The following SLC30A7 variants were observed in gnomAD, a reference collection of about 807,000 sequenced individuals.
SLC30A7 encodes solute carrier family 30 member 7.
In SLC30A7, 35 loss-of-function variants were observed where a neutral mutation model predicts 46.0. The ratio of observed to expected loss-of-function variants is 0.76; its 90% CI spans 0.58 to 1.01. SLC30A7 has a LOEUF of 1.01. SLC30A7 is among the 50% of genes least tolerant of loss of function. The pLI is 0.00. For synonymous variants in SLC30A7, 147 were observed against 157.8 expected (o/e 0.93, Z 0.51); for missense variants, 464 against 451.1 (o/e 1.03, Z -0.26).
At chr1:100,966,545 C>A (rs1224404280) in intron 10 of SLC30A7, among the ~76,000 whole-genome samples, 2 of 147,032 alleles carry the variant, frequency 1.4e-5, no homozygotes. Context: ...AGATCACGGC[C>A]ACTGCACTCC....
chr1:100,983,053 A>G (rs1657040617), downstream of SLC30A7, among the ~76,000 whole-genome samples: 1 of 152,162 alleles, frequency 6.6e-6, no homozygotes, highest in Non-Finnish European at 1.5e-5. Flanking sequence ...TTGCTTTCCC[A>G]GTTTCCACTT....
chr1:100,943,728 T>A (rs1424455755), intron 8 of SLC30A7, among the ~76,000 whole-genome samples: 1 of 152,192 alleles, frequency 6.6e-6, no homozygotes, highest in Non-Finnish European at 1.5e-5. Flanking sequence ...TTTTGTAATA[T>A]TACATCATCA....
intron 8 of SLC30A7, among the ~76,000 whole-genome samples, chr1:100,927,467 C>T (rs777822601): frequency 2.0e-5 from 3 of 151,852 alleles, no homozygotes; most frequent in African/African-American, 4.8e-5. Flanking sequence ...AGAGTAGCTT[C>T]GAGAGAGAAT....
At chr1:100,915,407 T>G (rs79188219) in intron 6 of SLC30A7, among the ~76,000 whole-genome samples, 4,288 of 152,172 alleles carry the variant, frequency 0.028, 184 homozygotes, top group African/African-American at 0.095. Flanking sequence ...ACTGAAACTT[T>G]GTACCCTTTG....
intron 8 of SLC30A7, among the ~76,000 whole-genome samples, chr1:100,958,017 C>G (rs1401958586): frequency 6.6e-6 from 1 of 152,112 alleles, no homozygotes; most frequent in Non-Finnish European, 1.5e-5. Flanking sequence ...AGATCCCACT[C>G]TTTAGTTTAG....
At chr1:100,964,514 A>G (rs1292594529) in intron 9 of SLC30A7, among the ~76,000 whole-genome samples, 1 of 151,900 alleles carries the variant, frequency 6.6e-6, no homozygotes, top group Non-Finnish European at 1.5e-5. Context: ...TCCAAATGCT[A>G]GCGGCTGAAT....
In SLC30A7 at chr1:100,936,357, T is replaced by C. The variant is rs1653966677; in HGVS notation, c.842+14516T>C. Among the ~76,000 whole-genome samples, 3 of 152,326 alleles carry C rather than the reference T, an allele frequency of 2.0e-5. No homozygotes were observed. The South Asian group carries it at 6.2e-4, about 32-fold the overall frequency. ...ACATCTTTCAGAAAGTATATGGGTATCCCCAAGGGTATTTTTTTGTGATTA... is the reference window on the plus strand; with the variant it reads ...ACATCTTTCAGAAAGTATATGGGTACCCCCAAGGGTATTTTTTTGTGATTA... On this transcript the variant is annotated intron_variant, in intron 8 of 10. Transcript: ENST00000357650.
intron 2 of SLC30A7, among the ~76,000 whole-genome samples, chr1:100,901,998 A>C (rs937898993): frequency 6.6e-6 from 1 of 152,214 alleles, no homozygotes; most frequent in Non-Finnish European, 1.5e-5. Flanking sequence ...ATTCATAATC[A>C]GAAACATTTG....
At chr1:100,928,338 A>T (rs1653444193) in intron 8 of SLC30A7, among the ~76,000 whole-genome samples, 2 of 152,188 alleles carry the variant, frequency 1.3e-5, no homozygotes, top group African/African-American at 4.8e-5. Flanking sequence ...GCGCTTCTTA[A>T]TAGTGCTCTA....
At chr1:100,924,715 A>C (rs190871976) in intron 8 of SLC30A7, among the ~76,000 whole-genome samples, 1 of 151,954 alleles carries the variant, frequency 6.6e-6, no homozygotes, top group Non-Finnish European at 1.5e-5. Context: ...ATTTGAATCA[A>C]AATAAATTTG....
intron 9 of SLC30A7, among the ~76,000 whole-genome samples, chr1:100,963,143 A>G (rs1049975298): frequency 5.3e-5 from 8 of 152,240 alleles, no homozygotes; most frequent in Non-Finnish European, 1.0e-4. Context: ...AGGACCAGAA[A>G]GAGTTATAAG....
intron 8 of SLC30A7, among the ~76,000 whole-genome samples, chr1:100,959,462 G>T (rs1393225781): frequency 6.6e-6 from 1 of 152,168 alleles, no homozygotes; most frequent in African/African-American, 2.4e-5. Flanking sequence ...GTAGCAGCCG[G>T]GGCTGCAGTT....
At position 100,975,659 on chromosome 1, in the gene SLC30A7, C is replaced by G. The variant is rs1238941785; in HGVS notation, c.*802C>G. 1 of 152,376 alleles carries G rather than the reference C, an allele frequency of 6.6e-6. No homozygotes were observed. The highest frequency in any genetic ancestry group is 1.9e-4 in the East Asian group (1 of 5,212). The allele number at this position is 152,376 out of a possible 1,614,324, so 9.4% of individuals were successfully genotyped here. On this transcript the variant is annotated 3_prime_UTR_variant, in exon 11 of 11. Transcript: ENST00000357650. The stretch of plus-strand genomic sequence containing the variant: ...TCTCCTGCCTCAGCCTTCTGAGTAG[C>G]TGCGACTATGGGCGTGTGCCACCAT...
intron 9 of SLC30A7, among the ~76,000 whole-genome samples, chr1:100,964,876 C>G (rs537920011): frequency 2.0e-5 from 3 of 152,274 alleles, no homozygotes; most frequent in South Asian, 4.2e-4. Context: ...ACACCTTGAT[C>G]TTTTTCCCCA....
chr1:100,991,897 A>G, the SLC30A7 span, among the ~76,000 whole-genome samples: 6 of 151,746 alleles, frequency 4.0e-5, no homozygotes, highest in Non-Finnish European at 8.8e-5. Flanking sequence ...GCTTGAGCCA[A>G]GGAATTCGAG....
At chr1:100,993,559 A>AATATATATATATATATATATATATAT in the SLC30A7 span, among the ~76,000 whole-genome samples, 26 of 56,524 alleles carry the variant, frequency 4.6e-4, no homozygotes, top group East Asian at 1.1e-3. Context: ...CGAAAATATA[A>AATATATATATATATATATATATATAT]ATATATATAT....
At chr1:100,950,151 A>G (rs6577219) in intron 8 of SLC30A7, among the ~76,000 whole-genome samples, 42,538 of 152,122 alleles carry the variant, frequency 0.28, 6,097 homozygotes, top group Middle Eastern at 0.36. Flanking sequence ...CTTAATCTGT[A>G]TGTTAATTTC....
At position 100,979,310 on chromosome 1, in the gene SLC30A7, TTA is replaced by T. The variant is rs1055533124; in HGVS notation, c.*4457_*4458del. ...TGGTAAAAAAAAAAATAAAAGGAAA[TTA>T]TATGTTTTTCTTTGGACATTCATTG... is the stretch of plus-strand genomic sequence containing the variant. On this transcript the variant is annotated 3_prime_UTR_variant, in exon 11 of 11. Transcript: ENST00000357650. 26 of 151,250 alleles carry T rather than the reference TTA, an allele frequency of 1.7e-4. No homozygotes were observed. The highest frequency in any genetic ancestry group is 5.8e-4 in the African/African-American group (24 of 41,346). The allele number at this position is 151,250 out of a possible 1,614,324, so 9.4% of individuals were successfully genotyped here.
chr1:100,982,508 T>A (rs1014748381), downstream of SLC30A7, among the ~76,000 whole-genome samples: 8 of 152,264 alleles, frequency 5.3e-5, no homozygotes, highest in Non-Finnish European at 1.2e-4. Context: ...TTTGTCGGAA[T>A]TCTTCATAGA....
Sources: allele counts gnomAD v4.1 joint callset (sites outside exome capture counted in the v4.1 genomes callset), GRCh38; gene constraint gnomAD v4.1.1; transcripts MANE v1.5; gene names NCBI Gene and HGNC (gene_info 2026-07-23, HGNC 2026-07-21).